The following AP3M2 variants were observed in gnomAD, a reference collection of about 807,000 sequenced individuals.
AP3M2 encodes AP-3 complex subunit mu-2.
In AP3M2, 28 loss-of-function variants were observed where a neutral mutation model predicts 41.6. The ratio of observed to expected loss-of-function variants is 0.67; its 90% CI spans 0.50 to 0.92. The LOEUF (loss-of-function observed/expected upper bound fraction) is 0.92. Among genes scored for constraint, AP3M2 ranks in the 40% least tolerant of loss-of-function variants. The pLI is 0.00. For missense variants in AP3M2, 427 were observed against 521.4 expected, an observed-to-expected ratio of 0.82 and a Z score of 1.76; for synonymous variants, 193 against 186.4, an observed-to-expected ratio of 1.04 and a Z score of -0.29.
chr8:42,155,034 C>T (rs1264491483), intron 2 of AP3M2, 74 bp downstream of exon 2: 29 of 1,264,706 alleles, frequency 2.3e-5, no homozygotes, highest in Non-Finnish European at 3.1e-5. Flanking sequence ...TTGTGTAAAG[C>T]CTCCATTAAG....
chr8:42,167,458 G>A, intron 7 of AP3M2, 87 bp downstream of exon 7: 1 of 1,512,370 alleles, frequency 6.6e-7, no homozygotes, highest in Non-Finnish European at 9.0e-7. Flanking sequence ...ACCTTGTTTG[G>A]AAGGTGAGAT....
At position 42,168,946 on chromosome 8, in the gene AP3M2, C is replaced by T. The variant is rs938913532; in HGVS notation, c.1157-15C>T. ...TAATACTCATGTCTATTTTCCCTCTCTCCCTCCTTTCTAGGACTCAAGGTG... is the reference window on the plus strand; with the variant it reads ...TAATACTCATGTCTATTTTCCCTCTTTCCCTCCTTTCTAGGACTCAAGGTG... On this transcript the variant is annotated splice_polypyrimidine_tract_variant and intron_variant, in intron 8 of 8. Transcript: ENST00000396926. 4.4e-6 allele frequency: 7 copies of T among 1,577,448 alleles called. No individual in the cohort carries two copies. Among genetic ancestry groups the T allele is most frequent in the Non-Finnish European group, 5.2e-6 (6 of 1,157,326 alleles).
chr8:42,162,523 C>T (rs1804533323), intron 4 of AP3M2, 105 bp downstream of exon 4: 1 of 1,316,056 alleles, frequency 7.6e-7, no homozygotes. Context: ...TCATCCACTT[C>T]AATTTAGTGC....
At chr8:42,153,376 C>T (rs962197651) in intron 1 of AP3M2, 3 of 152,356 alleles carry the variant, frequency 2.0e-5, no homozygotes, top group Non-Finnish European at 2.9e-5. Context: ...GCGCGTGCCC[C>T]TTCAGCCAGG....
chr8:42,158,552 C>CT (rs1804422101), intron 3 of AP3M2, among the ~76,000 whole-genome samples: 1 of 151,620 alleles, frequency 6.6e-6, no homozygotes, highest in African/African-American at 2.4e-5. Context: ...CCTGGCCCCT[C>CT]TTGTAGACTG....
At chr8:42,156,011 A>T (rs1420102754) in intron 2 of AP3M2, 1 of 455,250 alleles carries the variant, frequency 2.2e-6, no homozygotes, top group Non-Finnish European at 4.4e-6. Flanking sequence ...TTCTCATGCA[A>T]CATACCGGCC....
intron 4 of AP3M2, among the ~76,000 whole-genome samples, chr8:42,163,317 T>TA (rs1306717671): frequency 1.3e-5 from 2 of 152,224 alleles, no homozygotes; most frequent in Non-Finnish European, 2.9e-5. Context: ...AAAAAAATTG[T>TA]AAAAAGTCCT....
At chr8:42,161,649 G>A (rs1035784428) in intron 3 of AP3M2, among the ~76,000 whole-genome samples, 1 of 151,968 alleles carries the variant, frequency 6.6e-6, no homozygotes, top group Non-Finnish European at 1.5e-5. Flanking sequence ...AAGGATCCAG[G>A]TAATGGAAGA....
At chr8:42,165,666 A>T in intron 6 of AP3M2, 106 bp downstream of exon 6, 1 of 1,398,708 alleles carries the variant, frequency 7.1e-7, no homozygotes, top group Non-Finnish European at 9.7e-7. Flanking sequence ...CTGGGTTCAC[A>T]TTCCAGCTTC....
rs779426637 is a variant in AP3M2, at chr8:42,167,725, C to A, written c.1071C>A (p.Thr357=). 93 of 1,613,958 alleles carry A rather than the reference C, an allele frequency of 5.8e-5. No individual in the cohort carries two copies. Among genetic ancestry groups the A allele is most frequent in the Non-Finnish European group, 7.1e-5 (84 of 1,180,012 alleles). Residue 357 remains threonine, a synonymous_variant, in exon 8 of 9, where the codon ACC becomes ACA. Coordinates refer to ENST00000396926, the MANE Select transcript of AP3M2 (RefSeq NM_006803.4). ...AAAAGCTACCAAGTTTGAAGGGGAC[C>A]ATGAGTCTTCAGGCTGGAGCTTCCA... ...NPQKLPSLKG[T]MSLQAGASKP... is the part of the protein sequence containing the mutation.
At chr8:42,166,591 C>CAAAAA (rs56858276) in intron 6 of AP3M2, among the ~76,000 whole-genome samples, 35 of 77,080 alleles carry the variant, frequency 4.5e-4, no homozygotes, top group East Asian at 2.8e-3. Context: ...CTTGTCTCTA[C>CAAAAA]AAAAAAAAAA....
intron 6 of AP3M2, among the ~76,000 whole-genome samples, chr8:42,166,343 C>G (rs1157542831): frequency 2.0e-5 from 3 of 152,026 alleles, no homozygotes; most frequent in African/African-American, 7.3e-5. Flanking sequence ...AACCATTTAG[C>G]ATAGTGACTG....
At position 42,157,938 on chromosome 8, in the gene AP3M2, C is replaced by T. The variant is rs1804401167; in HGVS notation, c.274-3C>T. The T allele has an allele frequency of 6.2e-7, 1 of 1,609,442 alleles. No homozygotes were observed. Among genetic ancestry groups the T allele is most frequent in the Non-Finnish European group, 8.5e-7 (1 of 1,176,250 alleles). ...ATCAATGTGTATATTCTGTCTCCAT[C>T]AGGATTATTTTGGAGTCTGTTCAGA... On this transcript the variant is annotated splice_polypyrimidine_tract_variant and splice_region_variant and intron_variant, in intron 2 of 8. Coordinates refer to ENST00000396926, the MANE Select transcript of AP3M2 (RefSeq NM_006803.4).
intron 4 of AP3M2, among the ~76,000 whole-genome samples, chr8:42,163,591 C>T (rs1047704608): frequency 6.6e-6 from 1 of 152,056 alleles, no homozygotes; most frequent in African/African-American, 2.4e-5. Flanking sequence ...GATTTGGGAG[C>T]AAAGTATGCG....
intron 2 of AP3M2, chr8:42,156,045 T>TATG (rs10639834): frequency 0.84 from 382,543 of 455,516 alleles, 161,359 homozygotes; most frequent in East Asian, 0.97. Flanking sequence ...AAAACGTAAG[T>TATG]ATAAGTCCCA....
rs67923954 is a variant in AP3M2 at position 42,162,943 on chromosome 8, CAAAAAAAAAAAAAAAAA to C, written c.583+537_583+553del. On this transcript the variant is annotated intron_variant, in intron 4 of 8. Coordinates refer to ENST00000396926, the MANE Select transcript of AP3M2 (RefSeq NM_006803.4). ...CCTGGGCAACAGCAAGACCCTGTCT[CAAAAAAAAAAAAAAAAA>C]AAAAAAAAAAAGTAACAAATTAATT... 2.6e-4 allele frequency among the ~76,000 whole-genome samples: 14 copies of C among 54,222 alleles called. No individual in the cohort carries two copies. In the Admixed American group the frequency reaches 3.2e-3, roughly 12 times the overall value. 35.6% of individuals were successfully genotyped at this position (54,222 alleles called of 152,430 possible).
intron 4 of AP3M2, among the ~76,000 whole-genome samples, chr8:42,163,313 A>G (rs764229354): frequency 2.6e-5 from 4 of 152,360 alleles, no homozygotes; most frequent in East Asian, 3.8e-4. Flanking sequence ...AAGAAAAAAA[A>G]TTGTAAAAAG....
chr8:42,166,801 A>G lies in AP3M2; in HGVS notation c.804-363A>G, dbSNP rs1368158482. 3.3e-5 allele frequency: 7 copies of G among 210,634 alleles called. No homozygotes were observed. In the East Asian group the frequency reaches 8.3e-4, roughly 25 times the overall value. The allele number at this position is 210,634 out of a possible 1,614,324, so 13.0% of individuals were successfully genotyped here. On this transcript the variant is annotated intron_variant, in intron 6 of 8. Transcript: ENST00000396926. ...AGAAAGAAATTATAAAAGGTCCATG[A>G]GCTATGAATATTATACTCCCCAGTG...
chr8:42,169,621 G>T lies in AP3M2; in HGVS notation c.*560G>T, dbSNP rs1341567315. 1 of 152,202 alleles carries T rather than the reference G, an allele frequency of 6.6e-6. No homozygotes were observed. The highest frequency in any genetic ancestry group is 1.5e-5 in the Non-Finnish European group (1 of 68,040). 9.4% of individuals were successfully genotyped at this position (152,202 alleles called of 1,614,324 possible). A position where few individuals can be genotyped will look rare whatever the true frequency, so the allele number is the denominator to read the frequency against. Reference sequence around the variant, plus strand: ...GGAGGGATGGGAAGGAAAGAGTTGAGTTGGTTTCTTTCTGATTCCTCTACT... The same window carrying T: ...GGAGGGATGGGAAGGAAAGAGTTGATTTGGTTTCTTTCTGATTCCTCTACT... On this transcript the variant is annotated 3_prime_UTR_variant, in exon 9 of 9. Transcript: ENST00000396926.
Sources: gnomAD v4.1 joint callset for allele counts (sites outside exome capture counted in the v4.1 genomes callset) on GRCh38, gnomAD v4.1.1 for gene constraint, MANE v1.5 for transcripts, NCBI Gene and HGNC (gene_info 2026-07-23, HGNC 2026-07-21) for gene names.